The following AGMO variants were observed in gnomAD, a reference collection of about 807,000 sequenced individuals.
AGMO encodes glyceryl-ether monooxygenase.
In AGMO, 75 loss-of-function variants were observed where a neutral mutation model predicts 60.2. That is an observed-to-expected ratio of 1.25 (90% CI 1.03 to 1.51). AGMO has a LOEUF of 1.51. Among genes scored for constraint, AGMO ranks in the 40% most tolerant of loss-of-function variants. The pLI is 0.00. For synonymous variants in AGMO, 261 were observed against 177.1 expected, an observed-to-expected ratio of 1.47 and a Z score of -3.76; for missense variants, 763 against 525.5, an observed-to-expected ratio of 1.45 and a Z score of -4.42.
intron 5 of AGMO, among the ~76,000 whole-genome samples, chr7:15,394,655 G>A (rs768819157): frequency 3.3e-5 from 5 of 152,062 alleles, no homozygotes; most frequent in South Asian, 2.1e-4. Context: ...CTTTATTTAC[G>A]GGAGCAGGGT....
chr7:15,234,415 C>T (rs143835808), intron 12 of AGMO, among the ~76,000 whole-genome samples: 143 of 152,322 alleles, frequency 9.4e-4, no homozygotes, highest in African/African-American at 3.4e-3. Flanking sequence ...CTGCTGATGG[C>T]TTAGTTCACT....
intron 3 of AGMO, among the ~76,000 whole-genome samples, chr7:15,489,870 G>A (rs1028226116): frequency 1.3e-5 from 2 of 152,070 alleles, no homozygotes; most frequent in African/African-American, 4.8e-5. Context: ...AATAACAAAG[G>A]TAACAATATT....
intron 3 of AGMO, among the ~76,000 whole-genome samples, chr7:15,506,495 A>T (rs1486834487): frequency 1.3e-5 from 2 of 151,844 alleles, no homozygotes; most frequent in Non-Finnish European, 2.9e-5. Context: ...GAGGACAATT[A>T]CTCCCTGATA....
the AGMO span, among the ~76,000 whole-genome samples, chr7:15,181,585 T>A: frequency 6.6e-6 from 1 of 152,356 alleles, no homozygotes; most frequent in South Asian, 2.1e-4. Flanking sequence ...GCAATAGGTT[T>A]TCAGAAAGGA....
chr7:15,542,349 A>T (rs892363275), intron 3 of AGMO, among the ~76,000 whole-genome samples: 4 of 152,164 alleles, frequency 2.6e-5, no homozygotes, highest in Non-Finnish European at 5.9e-5. Context: ...TCAGTTCAAA[A>T]TTTCTAATGA....
chr7:15,516,978 CT>C (rs567346427), intron 3 of AGMO, among the ~76,000 whole-genome samples: 35 of 147,946 alleles, frequency 2.4e-4, no homozygotes, highest in South Asian at 1.9e-3. Context: ...ACACAAGAGT[CT>C]TTTTTTTTTG....
intron 8 of AGMO, among the ~76,000 whole-genome samples, chr7:15,389,802 T>TA (rs1322740947): frequency 6.6e-6 from 1 of 152,210 alleles, no homozygotes; most frequent in Non-Finnish European, 1.5e-5. Flanking sequence ...TATAAGGTTT[T>TA]AGTAATAGCT....
At chr7:15,269,694 A>G (rs1203732413) in intron 12 of AGMO, among the ~76,000 whole-genome samples, 1 of 152,052 alleles carries the variant, frequency 6.6e-6, no homozygotes, top group African/African-American at 2.4e-5. Flanking sequence ...TTGGGCTTCT[A>G]GTGTATCCGT....
intron 12 of AGMO, among the ~76,000 whole-genome samples, chr7:15,346,708 G>A (rs80286922): frequency 6.6e-6 from 1 of 151,372 alleles, no homozygotes; most frequent in African/African-American, 2.4e-5. Flanking sequence ...TTATTCAAGA[G>A]CTAAATCCAA....
the AGMO span, among the ~76,000 whole-genome samples, chr7:15,191,971 T>A: frequency 1.1e-3 from 88 of 77,140 alleles, no homozygotes; most frequent in African/African-American, 4.1e-3. Context: ...TCTGTCTCTC[T>A]CTCACACACA....
At chr7:15,374,078 G>A (rs1280465356) in intron 10 of AGMO, among the ~76,000 whole-genome samples, 1 of 152,156 alleles carries the variant, frequency 6.6e-6, no homozygotes, top group Non-Finnish European at 1.5e-5. Flanking sequence ...GAATCCGAAG[G>A]CTTGAAGATG....
chr7:15,510,822 C>A (rs952897264), intron 3 of AGMO, among the ~76,000 whole-genome samples: 9 of 148,012 alleles, frequency 6.1e-5, no homozygotes, highest in Non-Finnish European at 1.3e-4. Flanking sequence ...CATTTTATTA[C>A]AGGCTGATTA....
intron 12 of AGMO, among the ~76,000 whole-genome samples, chr7:15,301,830 C>G (rs1024708414): frequency 6.6e-6 from 1 of 151,930 alleles, no homozygotes; most frequent in African/African-American, 2.4e-5. Context: ...TTTTTAACAG[C>G]TGAATAATTT....
chr7:15,337,837 G>A (rs745705502), intron 12 of AGMO, among the ~76,000 whole-genome samples: 28 of 152,176 alleles, frequency 1.8e-4, no homozygotes, highest in Admixed American at 7.2e-4. Flanking sequence ...AGATATATTA[G>A]GCACCTGGGC....
At chr7:15,501,713 T>C (rs1013156207) in intron 3 of AGMO, among the ~76,000 whole-genome samples, 1 of 152,008 alleles carries the variant, frequency 6.6e-6, no homozygotes, top group African/African-American at 2.4e-5. Context: ...ACATTAATTC[T>C]AGTAACAAAT....
At chr7:15,483,570 AAAACAAAC>A (rs3076838) in intron 3 of AGMO, among the ~76,000 whole-genome samples, 11,192 of 148,830 alleles carry the variant, frequency 0.075, 1,307 homozygotes, top group African/African-American at 0.25. Context: ...ACTCTGTCTC[AAAACAAAC>A]AAACAAACAA....
At chr7:15,153,609 C>A in the AGMO span, among the ~76,000 whole-genome samples, 4 of 152,106 alleles carry the variant, frequency 2.6e-5, no homozygotes, top group Admixed American at 2.6e-4. Flanking sequence ...GTCCTTTCCC[C>A]ATTTTATGTT....
intron 5 of AGMO, among the ~76,000 whole-genome samples, chr7:15,401,953 C>G (rs1282048388): frequency 6.6e-6 from 1 of 152,054 alleles, no homozygotes. Context: ...CTTTTCGTTA[C>G]AGCGTCATGC....
At chr7:15,548,720 G>T (rs994788166) in intron 2 of AGMO, among the ~76,000 whole-genome samples, 7 of 152,198 alleles carry the variant, frequency 4.6e-5, no homozygotes, top group Non-Finnish European at 7.3e-5. Flanking sequence ...GGGGAGAATG[G>T]AACCAAGTTG....
Sources: gnomAD v4.1 joint callset for allele counts (sites outside exome capture counted in the v4.1 genomes callset) on GRCh38, gnomAD v4.1.1 for gene constraint, MANE v1.5 for transcripts, NCBI Gene and HGNC (gene_info 2026-07-23, HGNC 2026-07-21) for gene names.